TAC1: variants seen among roughly 807,000 people sequenced by gnomAD.
The protein encoded by TAC1 is protachykinin-1.
Under a neutral mutation model 21.7 loss-of-function variants are expected in TAC1, and 12 were observed. That is an observed-to-expected ratio of 0.55 (90% CI 0.35 to 0.89). The LOEUF (loss-of-function observed/expected upper bound fraction) is 0.89, where lower values mean the gene tolerates loss of function less well. Ranked by LOEUF, TAC1 falls within the 40% of genes least tolerant of loss-of-function variation. TAC1 has a pLI of 0.01. For synonymous variants in TAC1, 52 were observed against 52.0 expected (o/e 1.00, Z 0.00); for missense variants, 128 against 151.4 (o/e 0.85, Z 0.81).
chr7:97,733,613 C>A (rs537118160), intron 2 of TAC1, 110 bp from the exon 3 acceptor site: 2 of 1,025,744 alleles, frequency 1.9e-6, no homozygotes, highest in South Asian at 2.9e-5. Flanking sequence ...GTGGGGAAGG[C>A]CGCCTCCCCA....
intron 3 of TAC1, 27 bp downstream of exon 3, chr7:97,733,846 T>C: frequency 6.2e-7 from 1 of 1,608,500 alleles, no homozygotes; most frequent in South Asian, 1.1e-5. Context: ...TCCCTAGGTG[T>C]CTTGGGCAGC....
Position 97,734,283 on chromosome 7 carries a change from G to A in TAC1, c.256G>A (p.Ala86Thr). 4 of 1,613,426 alleles carry A rather than the reference G, an allele frequency of 2.5e-6. No individual in the cohort carries two copies. Among genetic ancestry groups the A allele is most frequent in the Non-Finnish European group, 3.4e-6 (4 of 1,179,484 alleles). ...SIEKQVALLK[A>T]LYGHGQISHK... is the part of the protein sequence containing the mutation. ...TGAAAAACAAGTGGCCCTGTTAAAG[G>A]CTCTTTATGGTAAACATTCCTATAA... The change falls in exon 4 of 7, where the codon GCT becomes ACT. Residue 86 changes from alanine to threonine, a missense_variant. Ala to Thr is a moderately conservative substitution (Grantham distance 58). Transcript: ENST00000319273.
chr7:97,737,273 G>A (rs559879226), intron 6 of TAC1, among the ~76,000 whole-genome samples: 22 of 151,912 alleles, frequency 1.4e-4, no homozygotes, highest in African/African-American at 5.1e-4. Context: ...TACTAAATAC[G>A]TTATTAATTA....
intron 2 of TAC1, chr7:97,733,009 A>G (rs1789470751): frequency 1.1e-5 from 4 of 365,924 alleles, no homozygotes. Context: ...GATCCTCACA[A>G]GGCGGGAAAT....
At chr7:97,733,954 A>G (rs1584416331) in intron 3 of TAC1, 135 bp downstream of exon 3, 4 of 914,032 alleles carry the variant, frequency 4.4e-6, no homozygotes, top group South Asian at 3.2e-5. Flanking sequence ...CAGGCGCGAC[A>G]TTGGCCCACA....
Position 97,734,865 on chromosome 7 carries a change from T to C in TAC1, c.289+16T>C. On this transcript the variant is annotated intron_variant, in intron 5 of 6. Transcript: ENST00000319273. Reference sequence around the variant, plus strand: ...TCTCACAAAAGTAAGTTCAAAATTATTTTGACATTTATCAAATTTAAATGT... The same window carrying C: ...TCTCACAAAAGTAAGTTCAAAATTACTTTGACATTTATCAAATTTAAATGT... The C allele has an allele frequency of 1.3e-6, 2 of 1,563,724 alleles. No individual in the cohort carries two copies. Among genetic ancestry groups the C allele is most frequent in the Non-Finnish European group, 1.8e-6 (2 of 1,140,372 alleles).
At chr7:97,735,738 A>T (rs960473523) in intron 5 of TAC1, among the ~76,000 whole-genome samples, 1 of 152,190 alleles carries the variant, frequency 6.6e-6, no homozygotes, top group African/African-American at 2.4e-5. Context: ...TTTGAAGAGA[A>T]TTATATATAA....
chr7:97,738,340 T>C (rs1014464417), intron 6 of TAC1, among the ~76,000 whole-genome samples: 1 of 152,086 alleles, frequency 6.6e-6, no homozygotes, highest in Admixed American at 6.5e-5. Flanking sequence ...ATATCAGGCT[T>C]CAGAGGGTTC....
At position 97,732,672 on chromosome 7, in the gene TAC1, AG is replaced by A; in HGVS notation, c.61del (p.Glu21LysfsTer2). 6.2e-7 allele frequency: 1 copy of A among 1,614,124 alleles called. No individual in the cohort carries two copies. Among genetic ancestry groups the A allele is most frequent in the South Asian group, 1.1e-5 (1 of 91,084 alleles). On this transcript the variant is annotated frameshift_variant, in exon 2 of 7. Transcript: ENST00000319273. LOFTEE classifies it high-confidence loss of function. This position sits in a 1 kb window ranked among gnomAD's most constrained non-coding sequence, Gnocchi z 6.2. ...TTGTCTCCACTCAGCTGTTTGCAGA[AG>A]AAATAGGAGCCAATGATGATCTGAA... Reference protein sequence around the residue: ...FLVSTQLFAEEIGANDDLNYW... With the variant: ...FLVSTQLFAEXIGANDDLNYW...
At chr7:97,739,102 T>C (rs1314226079) in intron 6 of TAC1, among the ~76,000 whole-genome samples, 1 of 150,690 alleles carries the variant, frequency 6.6e-6, no homozygotes, top group Non-Finnish European at 1.5e-5. Flanking sequence ...GAAGCAATAA[T>C]TAATGCTTCA....
intron 3 of TAC1, 172 bp downstream of exon 3, chr7:97,733,991 G>A (rs73390395): frequency 2.8e-6 from 2 of 715,206 alleles, no homozygotes; most frequent in Admixed American, 2.8e-5. Flanking sequence ...ACGGGCCCGC[G>A]GGGGGAGGGA....
chr7:97,734,202 C>G, intron 3 of TAC1, 46 bp from the exon 4 acceptor site: 1 of 1,573,860 alleles, frequency 6.4e-7, no homozygotes, highest in East Asian at 2.2e-5. Context: ...GAATTCATCG[C>G]ACGGTCAGTG....
chr7:97,739,966 C>A lies in TAC1; in HGVS notation c.*46C>A, dbSNP rs372957625. ...ATTCAGCTTCATTTGTGTCAATGGG[C>A]AATGACAGGTAAATTAAGACATGCA... On this transcript the variant is annotated 3_prime_UTR_variant, in exon 7 of 7. Transcript: ENST00000319273. 2.2e-6 allele frequency: 3 copies of A among 1,353,912 alleles called. No homozygotes were observed. Among genetic ancestry groups the A allele is most frequent in the Admixed American group, 4.0e-5 (2 of 50,596 alleles). 83.9% of individuals were successfully genotyped at this position (1,353,912 alleles called of 1,614,324 possible). A position where few individuals can be genotyped will look rare whatever the true frequency, so the allele number is the denominator to read the frequency against.
rs1584415384 is a variant in TAC1, at chr7:97,732,871, T to C, written c.123+136T>C. The stretch of plus-strand genomic sequence containing the variant: ...GAGGCAGCGGTTGCGTGCGAGAGGA[T>C]GGAAAGGGGCACTATTTCCCGGGTT... On this transcript the variant is annotated intron_variant, in intron 2 of 6. Coordinates refer to ENST00000319273, the MANE Select transcript of TAC1 (RefSeq NM_003182.3). This position sits in a 1 kb window ranked among gnomAD's most constrained non-coding sequence, Gnocchi z 6.2. 9 of 1,160,034 alleles carry C rather than the reference T, an allele frequency of 7.8e-6. No homozygotes were observed. Among genetic ancestry groups the C allele is most frequent in the East Asian group, 2.5e-5 (1 of 40,688 alleles). The allele number at this position is 1,160,034 out of a possible 1,614,324, so 71.9% of individuals were successfully genotyped here.
chr7:97,732,938 G>A lies in TAC1; in HGVS notation c.123+203G>A. ...GCCCACGATTCAAGTTTCTTCCCGA[G>A]GGCTGCACCGTCCGGCCCAGGAACT... On this transcript the variant is annotated intron_variant, in intron 2 of 6. Coordinates refer to ENST00000319273, the MANE Select transcript of TAC1 (RefSeq NM_003182.3). The surrounding 1 kb of genome is among the most constrained non-coding windows in gnomAD (Gnocchi z 6.2). The A allele has an allele frequency of 1.5e-6, 1 of 660,642 alleles. No homozygotes were observed. The highest frequency in any genetic ancestry group is 2.2e-5 in the South Asian group (1 of 45,332). 40.9% of individuals were successfully genotyped at this position (660,642 alleles called of 1,614,324 possible). A position where few individuals can be genotyped will look rare whatever the true frequency, so the allele number is the denominator to read the frequency against.
Position 97,732,724 on chromosome 7 carries a change from G to T in TAC1, c.112G>T (p.Asp38Tyr), listed in dbSNP as rs917447235. 5 of 1,613,636 alleles carry T rather than the reference G, an allele frequency of 3.1e-6. No individual in the cohort carries two copies. The African/African-American group carries it at 5.3e-5, about 17-fold the overall frequency. The change falls in exon 2 of 7, where the codon GAC becomes TAC. Residue 38 changes from aspartate (D) to tyrosine (Y), a missense_variant. Transcript: ENST00000319273. This position sits in a 1 kb window ranked among gnomAD's most constrained non-coding sequence, Gnocchi z 6.2. ...LNYWSDWYDS[D>Y]QIKEELPEPF... ...TTACTGGTCCGACTGGTACGACAGCGACCAGATCAAGGTGAGGCCCCTTCC... is the reference window on the plus strand; with the variant it reads ...TTACTGGTCCGACTGGTACGACAGCTACCAGATCAAGGTGAGGCCCCTTCC...
intron 6 of TAC1, among the ~76,000 whole-genome samples, chr7:97,739,398 T>C (rs1036243206): frequency 6.6e-6 from 1 of 152,008 alleles, no homozygotes; most frequent in Non-Finnish European, 1.5e-5. Flanking sequence ...CCATAGACAA[T>C]ATGTAAATGA....
At chr7:97,733,965 C>A (rs1789501430) in intron 3 of TAC1, 146 bp downstream of exon 3, 1 of 859,668 alleles carries the variant, frequency 1.2e-6, no homozygotes, top group Non-Finnish European at 1.8e-6. Context: ...TTGGCCCACA[C>A]CGCACTAAGG....
At chr7:97,736,204 C>A in intron 5 of TAC1, 95 bp from the exon 6 acceptor site, 1 of 968,934 alleles carries the variant, frequency 1.0e-6, no homozygotes, top group South Asian at 1.8e-5. Flanking sequence ...ATTTATTATA[C>A]AGACATATAT....
Sources: allele counts gnomAD v4.1 joint callset (sites outside exome capture counted in the v4.1 genomes callset), GRCh38; gene constraint gnomAD v4.1.1; non-coding constraint Gnocchi (gnomAD v3.1); transcripts MANE v1.5; gene names NCBI Gene and HGNC (gene_info 2026-07-23, HGNC 2026-07-21).